The following SYN2 variants were observed in gnomAD, a reference collection of about 807,000 sequenced individuals.
SYN2 encodes the protein synapsin-2.
In SYN2, 19 loss-of-function variants were observed where a neutral mutation model predicts 50.9. The observed-to-expected ratio is 0.37, with a 90% CI of 0.26 to 0.55. SYN2 has a LOEUF of 0.55. Ranked by LOEUF, SYN2 falls within the 20% of genes least tolerant of loss-of-function variation. The pLI, the probability that SYN2 is intolerant of heterozygous loss-of-function variation, is 0.81. For missense variants in SYN2, 587 were observed against 576.4 expected (o/e 1.02, Z -0.19); for synonymous variants, 255 against 224.9 (o/e 1.13, Z -1.20).
intron 1 of SYN2, among the ~76,000 whole-genome samples, chr3:12,110,032 T>G (rs986877717): frequency 2.0e-5 from 3 of 151,810 alleles, no homozygotes; most frequent in African/African-American, 7.3e-5. Flanking sequence ...TACAAAAAAT[T>G]TAAAAGATTA....
intron 1 of SYN2, among the ~76,000 whole-genome samples, chr3:12,063,798 A>G (rs307595): frequency 0.64 from 97,369 of 151,748 alleles, 33,771 homozygotes; most frequent in South Asian, 0.78. Flanking sequence ...CAAAATAATA[A>G]ATATCCATAG....
chr3:12,166,224 T>C (rs1357576855), intron 7 of SYN2, among the ~76,000 whole-genome samples: 2 of 152,202 alleles, frequency 1.3e-5, no homozygotes, highest in East Asian at 3.8e-4. Flanking sequence ...TATTGAATGA[T>C]AAGGGCAGCA....
intron 1 of SYN2, among the ~76,000 whole-genome samples, chr3:12,051,861 T>G (rs537929675): frequency 6.6e-6 from 1 of 152,354 alleles, no homozygotes; most frequent in African/African-American, 2.4e-5. Context: ...GGAAGGTTTC[T>G]CAGGAATTTA....
At chr3:12,105,774 ACT>A (rs2125192348) in intron 1 of SYN2, among the ~76,000 whole-genome samples, 1 of 151,884 alleles carries the variant, frequency 6.6e-6, no homozygotes, top group African/African-American at 2.4e-5. Context: ...GAACACATAG[ACT>A]CTGTTGTACT....
intron 1 of SYN2, among the ~76,000 whole-genome samples, chr3:12,108,360 A>G (rs1696243150): frequency 6.6e-6 from 1 of 152,206 alleles, no homozygotes; most frequent in African/African-American, 2.4e-5. Flanking sequence ...GGATGAAAAT[A>G]ACGCAGATAT....
At chr3:12,182,505 A>G (rs928046723) in intron 10 of SYN2, among the ~76,000 whole-genome samples, 9 of 152,174 alleles carry the variant, frequency 5.9e-5, no homozygotes, top group Non-Finnish European at 1.0e-4. Flanking sequence ...CACGGCTGGG[A>G]GAGGGAGCAT....
At chr3:12,163,902 C>A (rs1559449223) in intron 7 of SYN2, among the ~76,000 whole-genome samples, 2 of 151,934 alleles carry the variant, frequency 1.3e-5, no homozygotes, top group South Asian at 4.2e-4. Flanking sequence ...CATGGTGAGA[C>A]CCCATCTCTA....
intron 1 of SYN2, among the ~76,000 whole-genome samples, chr3:12,051,537 A>G (rs573578929): frequency 1.3e-5 from 2 of 152,300 alleles, no homozygotes; most frequent in East Asian, 3.9e-4. Flanking sequence ...CTTTTAGTAC[A>G]TATGAATCCT....
chr3:12,060,831 C>T (rs1025671204), intron 1 of SYN2, among the ~76,000 whole-genome samples: 1 of 152,050 alleles, frequency 6.6e-6, no homozygotes, highest in African/African-American at 2.4e-5. Flanking sequence ...GTCTGGCTTA[C>T]AAAAAAATTA....
At chr3:12,161,631 G>A in intron 6 of SYN2, 23 bp downstream of exon 6, 1 of 1,613,876 alleles carries the variant, frequency 6.2e-7, no homozygotes, top group Non-Finnish European at 8.5e-7. Flanking sequence ...GGCCTGCTGT[G>A]CTTCAGGGTT....
In SYN2 at chr3:12,098,880, T is replaced by TATATATATATATATAA. The variant is rs1553614789; in HGVS notation, c.378-41770_378-41769insTATATATATATATAAA. On this transcript the variant is annotated intron_variant, in intron 1 of 12. Coordinates refer to ENST00000621198, the MANE Select transcript of SYN2 (RefSeq NM_133625.6). ...GCATATATATATATATATATATATA[T>TATATATATATATATAA]AATGCAAATAGTAACCAAAAGAGAG... Among the ~76,000 whole-genome samples, 10 of 145,516 alleles carry TATATATATATATATAA rather than the reference T, an allele frequency of 6.9e-5. No individual in the cohort carries two copies. The East Asian group carries it at 1.6e-3, about 23-fold the overall frequency.
rs1380279115 is a variant in SYN2, at chr3:12,004,667, C to T, written c.116C>T (p.Pro39Leu). The stretch of plus-strand genomic sequence containing the variant: ...CCCCAGCAGCCGCCGCCGCCGCCGC[C>T]CCCCGGTCCGGGCGCCGCCTCGGCC... ...PEPQQPPPPP[P>L]PGPGAASASA... The change falls in exon 1 of 13, where the codon CCC (proline) becomes CTC (leucine). Residue 39 changes from proline (P) to leucine (L), a missense_variant. By Grantham distance (98) the Pro-to-Leu change is moderately conservative. Transcript: ENST00000621198. 1.3e-5 allele frequency: 4 copies of T among 316,548 alleles called. No individual in the cohort carries two copies. The highest frequency in any genetic ancestry group is 2.4e-5 in the Non-Finnish European group (4 of 169,366). 19.6% of individuals were successfully genotyped at this position (316,548 alleles called of 1,614,324 possible).
intron 1 of SYN2, among the ~76,000 whole-genome samples, chr3:12,010,465 A>G (rs922391926): frequency 2.0e-5 from 3 of 152,246 alleles, no homozygotes; most frequent in Non-Finnish European, 4.4e-5. Context: ...GGATTTTAAT[A>G]TTGTATGGTA....
intron 5 of SYN2, among the ~76,000 whole-genome samples, chr3:12,158,489 G>A (rs1241887675): frequency 6.6e-6 from 1 of 152,176 alleles, no homozygotes; most frequent in Non-Finnish European, 1.5e-5. Context: ...GGAAGTCCCT[G>A]ATGAAATCTT....
chr3:12,061,259 T>C (rs1236823325), intron 1 of SYN2, among the ~76,000 whole-genome samples: 1 of 152,120 alleles, frequency 6.6e-6, no homozygotes, highest in African/African-American at 2.4e-5. Flanking sequence ...GATGTGCAAT[T>C]ATATGAGAAG....
chr3:12,146,153 G>C (rs942486752), intron 4 of SYN2, among the ~76,000 whole-genome samples: 1 of 152,214 alleles, frequency 6.6e-6, no homozygotes, highest in Non-Finnish European at 1.5e-5. Flanking sequence ...AGCCCTTATA[G>C]GTCTGTAGGC....
intron 3 of SYN2, 143 bp from the exon 4 acceptor site, chr3:12,145,536 A>G: frequency 4.1e-6 from 4 of 983,914 alleles, no homozygotes; most frequent in Non-Finnish European, 5.9e-6. Flanking sequence ...ACCTGTCTCT[A>G]AAATAACAAC....
At chr3:12,159,138 G>A in intron 5 of SYN2, 1 of 402,704 alleles carries the variant, frequency 2.5e-6, no homozygotes, top group Non-Finnish European at 4.4e-6. Flanking sequence ...GAAGCACTGG[G>A]AGAGGGGATG....
intron 1 of SYN2, among the ~76,000 whole-genome samples, chr3:12,105,837 A>T (rs928167471): frequency 6.6e-6 from 1 of 152,140 alleles, no homozygotes; most frequent in African/African-American, 2.4e-5. Flanking sequence ...ATGTTATCCC[A>T]GACCCACCTT....
Sources: allele counts gnomAD v4.1 joint callset (sites outside exome capture counted in the v4.1 genomes callset), GRCh38; gene constraint gnomAD v4.1.1; transcripts MANE v1.5; gene names NCBI Gene and HGNC (gene_info 2026-07-23, HGNC 2026-07-21).